The following DDX19B variants were observed in gnomAD, a reference collection of about 807,000 sequenced individuals.
DDX19B encodes the protein DEAD-box helicase 19B.
A neutral mutation model predicts 58.1 loss-of-function variants in DDX19B; 27 were observed. The observed-to-expected ratio is 0.46, with a 90% CI of 0.34 to 0.64. DDX19B has a LOEUF of 0.64. Ranked by LOEUF, DDX19B falls within the 30% of genes least tolerant of loss-of-function variation. The probability of loss-of-function intolerance (pLI) is 0.01; values close to 1 mark genes in which losing one functional copy is unlikely to be tolerated. For synonymous variants in DDX19B, 187 were observed against 214.4 expected (o/e 0.87, Z 1.12); for missense variants, 399 against 596.5 (o/e 0.67, Z 3.45).
chr16:70,309,987 T>C (rs557247526), intron 1 of DDX19B, among the ~76,000 whole-genome samples: 28 of 152,086 alleles, frequency 1.8e-4, no homozygotes, highest in Non-Finnish European at 2.5e-4. Flanking sequence ...TTCACACTTA[T>C]AATTCTAGCA....
intron 1 of DDX19B, among the ~76,000 whole-genome samples, chr16:70,304,879 G>C (rs991176411): frequency 2.7e-5 from 4 of 147,572 alleles, no homozygotes; most frequent in African/African-American, 1.0e-4. Flanking sequence ...TTCCTTTACT[G>C]TTCCTTTTTT....
chr16:70,322,426 C>CA (rs1342658986), intron 5 of DDX19B, among the ~76,000 whole-genome samples: 1 of 150,156 alleles, frequency 6.7e-6, no homozygotes, highest in African/African-American at 2.5e-5. Context: ...CCCATCTCTA[C>CA]AAAAAAAACA....
chr16:70,296,291 G>A (rs1961218641), upstream of DDX19B, among the ~76,000 whole-genome samples: 2 of 150,236 alleles, frequency 1.3e-5, no homozygotes, highest in African/African-American at 5.0e-5. Context: ...GTGAGCCACC[G>A]CACCTGGCCA....
chr16:70,328,733 TCTTA>T (rs1054211870), intron 7 of DDX19B, among the ~76,000 whole-genome samples: 4 of 152,174 alleles, frequency 2.6e-5, no homozygotes, highest in African/African-American at 7.2e-5. Flanking sequence ...AAATGCTAGA[TCTTA>T]CTTATTTTAA....
chr16:70,293,597 A>ATTTTTTTTTTTTTTTTTTTTTTT (rs71151182), upstream of DDX19B, among the ~76,000 whole-genome samples: 7 of 77,020 alleles, frequency 9.1e-5, 1 homozygote, highest in African/African-American at 3.8e-4. Context: ...GGATGGCTGA[A>ATTTTTTTTTTTTTTTTTTTTTTT]TTTTTTTTTT....
At chr16:70,325,033 A>G (rs1180832673) in intron 6 of DDX19B, among the ~76,000 whole-genome samples, 1 of 152,218 alleles carries the variant, frequency 6.6e-6, no homozygotes, top group Non-Finnish European at 1.5e-5. Context: ...CCTGGGCAAA[A>G]AGAACGAAAC....
At chr16:70,314,868 G>A (rs776152415) in intron 2 of DDX19B, 34 bp from the exon 3 acceptor site, 7 of 1,604,576 alleles carry the variant, frequency 4.4e-6, no homozygotes, top group Non-Finnish European at 6.0e-6. Flanking sequence ...TATGGGATGC[G>A]ATTTTGAATG....
intron 2 of DDX19B, among the ~76,000 whole-genome samples, chr16:70,313,446 T>C (rs1420310360): frequency 6.6e-6 from 1 of 152,140 alleles, no homozygotes; most frequent in Non-Finnish European, 1.5e-5. Flanking sequence ...ATATTACACC[T>C]GGTTTCAAAG....
intron 3 of DDX19B, 65 bp from the exon 4 acceptor site, chr16:70,315,904 T>A: frequency 6.4e-7 from 1 of 1,567,456 alleles, no homozygotes; most frequent in East Asian, 2.3e-5. Context: ...GGCAGTTGAA[T>A]TAGAGTAAAC....
intron 2 of DDX19B, 129 bp from the exon 3 acceptor site, chr16:70,314,773 C>T (rs774807381): frequency 1.7e-5 from 15 of 862,060 alleles, no homozygotes; most frequent in Non-Finnish European, 2.9e-5. Flanking sequence ...TTATCAGCGG[C>T]TCGGTTTCCT....
chr16:70,324,081 A>G (rs1415384862), intron 5 of DDX19B, among the ~76,000 whole-genome samples: 1 of 152,082 alleles, frequency 6.6e-6, no homozygotes, highest in Non-Finnish European at 1.5e-5. Context: ...GCTGAGGTGT[A>G]ATGGGGAGCA....
chr16:70,294,363 G>T (rs1039694919), upstream of DDX19B, among the ~76,000 whole-genome samples: 1 of 152,142 alleles, frequency 6.6e-6, no homozygotes, highest in African/African-American at 2.4e-5. Context: ...TTACAGGCGT[G>T]AGCCACCGTG....
At position 70,332,938 on chromosome 16, in the gene DDX19B, C is replaced by T. The variant is rs187865961; in HGVS notation, c.1187-30C>T. On this transcript the variant is annotated intron_variant, in intron 10 of 11. Transcript: ENST00000288071. Reference sequence around the variant, plus strand: ...GACTGATTTGCCTCCTGTCCTTAGTCCTCTCAGCCTCCAACTCTCCTTCCT... The same window carrying T: ...GACTGATTTGCCTCCTGTCCTTAGTTCTCTCAGCCTCCAACTCTCCTTCCT... 2.0e-3 allele frequency: 3,173 copies of T among 1,614,000 alleles called. 6 individuals are homozygous for T. Among genetic ancestry groups the T allele is most frequent in the Middle Eastern group, 3.0e-3 (18 of 6,062 alleles).
chr16:70,294,432 T>G (rs770115828), upstream of DDX19B, among the ~76,000 whole-genome samples: 14 of 152,084 alleles, frequency 9.2e-5, no homozygotes, highest in Non-Finnish European at 1.8e-4. Context: ...TGCTGAGAGA[T>G]TATACTTGGA....
intron 5 of DDX19B, among the ~76,000 whole-genome samples, chr16:70,322,399 T>C (rs917161829): frequency 1.3e-5 from 2 of 151,872 alleles, no homozygotes; most frequent in Non-Finnish European, 2.9e-5. Flanking sequence ...AAGACCAGCC[T>C]GGCCAACATG....
chr16:70,312,762 G>T, intron 2 of DDX19B, 105 bp downstream of exon 2: 1 of 870,988 alleles, frequency 1.1e-6, no homozygotes, highest in Non-Finnish European at 1.8e-6. Context: ...ACCAGGCAGG[G>T]CATTGGCAGA....
At chr16:70,294,727 C>T, upstream of DDX19B, 1 of 788,048 alleles carries the variant, frequency 1.3e-6, no homozygotes, top group South Asian at 2.1e-5. Flanking sequence ...TGCCCGAGCG[C>T]TGTACCGTCC....
chr16:70,317,429 C>A, intron 4 of DDX19B, 67 bp from the exon 5 acceptor site: 1 of 1,244,702 alleles, frequency 8.0e-7, no homozygotes, highest in South Asian at 1.3e-5. Context: ...GAGAAAAATC[C>A]TCCAGATATT....
intron 5 of DDX19B, among the ~76,000 whole-genome samples, chr16:70,321,412 G>A (rs1962804725): frequency 6.6e-6 from 1 of 152,132 alleles, no homozygotes; most frequent in South Asian, 2.1e-4. Context: ...GAGCCATTGG[G>A]CCTAGCCAAG....
Sources: allele counts gnomAD v4.1 joint callset (sites outside exome capture counted in the v4.1 genomes callset), GRCh38; gene constraint gnomAD v4.1.1; transcripts MANE v1.5; gene names NCBI Gene and HGNC (gene_info 2026-07-23, HGNC 2026-07-21).